Variants in AUTS2 observed in about 807,000 individuals in gnomAD.
AUTS2 encodes autism susceptibility gene 2 protein.
In AUTS2, 17 loss-of-function variants were observed where a neutral mutation model predicts 112.4. The observed-to-expected ratio is 0.15, with a 90% CI of 0.10 to 0.23. The LOEUF (loss-of-function observed/expected upper bound fraction) is 0.23. Among genes scored for constraint, AUTS2 ranks in the 10% least tolerant of loss-of-function variants. AUTS2 has a pLI of 1.00. For missense variants in AUTS2, 1,510 were observed against 1,701.6 expected, an observed-to-expected ratio of 0.89 and a Z score of 1.98; for synonymous variants, 751 against 702.7, an observed-to-expected ratio of 1.07 and a Z score of -1.09.
At chr7:70,132,816 A>G (rs1481820256) in intron 3 of AUTS2, among the ~76,000 whole-genome samples, 1 of 152,172 alleles carries the variant, frequency 6.6e-6, no homozygotes, top group Non-Finnish European at 1.5e-5. Flanking sequence ...CTGGGATAAA[A>G]TACATTTGCA....
intron 4 of AUTS2, among the ~76,000 whole-genome samples, chr7:70,422,097 A>T (rs972531843): frequency 6.6e-6 from 1 of 152,122 alleles, no homozygotes; most frequent in Non-Finnish European, 1.5e-5. Context: ...TAAAGGGAAG[A>T]AAAAAAAGGA....
At chr7:70,352,239 C>T (rs1314748019) in intron 4 of AUTS2, among the ~76,000 whole-genome samples, 1 of 152,148 alleles carries the variant, frequency 6.6e-6, no homozygotes, top group Non-Finnish European at 1.5e-5. Context: ...ACTGTTCTGC[C>T]AACTCTTTGG....
chr7:69,837,797 CTTA>C (rs978202539), intron 1 of AUTS2, among the ~76,000 whole-genome samples: 3 of 152,200 alleles, frequency 2.0e-5, no homozygotes, highest in Non-Finnish European at 2.9e-5. Flanking sequence ...CACTGAGCCT[CTTA>C]TTAATAATAC....
intron 4 of AUTS2, among the ~76,000 whole-genome samples, chr7:70,137,596 G>A (rs868464758): frequency 4.0e-4 from 61 of 152,034 alleles, no homozygotes; most frequent in Middle Eastern, 3.4e-3. Context: ...GAACTTAGAG[G>A]CAGAATGATC....
chr7:69,706,284 G>C (rs547140212), intron 1 of AUTS2, among the ~76,000 whole-genome samples: 1 of 152,210 alleles, frequency 6.6e-6, no homozygotes, highest in African/African-American at 2.4e-5. Flanking sequence ...TATTGTCCTG[G>C]AACATTCTGT....
At chr7:70,099,906 C>G (rs1269214724) in intron 2 of AUTS2, among the ~76,000 whole-genome samples, 3 of 152,020 alleles carry the variant, frequency 2.0e-5, no homozygotes, top group African/African-American at 7.3e-5. Flanking sequence ...ACATATATAT[C>G]CATACCTCTG....
At chr7:70,549,581 C>T (rs987324295) in intron 5 of AUTS2, among the ~76,000 whole-genome samples, 16 of 152,226 alleles carry the variant, frequency 1.1e-4, no homozygotes, top group African/African-American at 3.9e-4. Context: ...AATCCCAAAG[C>T]TTTGGGGCAC....
chr7:69,718,967 TC>T lies in AUTS2; in HGVS notation c.309+119006del, dbSNP rs546415122. ...ACTTAGTTTTGTACAATCCCAGTGT[TC>T]AAGGAAGCTAGAGATCCTCTTAGCC... On this transcript the variant is annotated intron_variant, in intron 1 of 18. Transcript: ENST00000342771. 2.0e-3 allele frequency among the ~76,000 whole-genome samples: 297 copies of T among 152,304 alleles called. 1 individual carries two copies. The highest frequency in any genetic ancestry group is 6.7e-3 in the African/African-American group (279 of 41,574).
intron 4 of AUTS2, among the ~76,000 whole-genome samples, chr7:70,341,961 C>T (rs144463588): frequency 2.1e-4 from 32 of 152,274 alleles, no homozygotes; most frequent in African/African-American, 7.0e-4. Context: ...GACTTGGGCC[C>T]GGGACAGCTA....
chr7:70,502,944 C>T (rs1368239505), intron 5 of AUTS2, among the ~76,000 whole-genome samples: 1 of 151,000 alleles, frequency 6.6e-6, no homozygotes, highest in Admixed American at 6.6e-5. Flanking sequence ...TCCTCCCACA[C>T]ATCACAAAAC....
chr7:70,294,796 AGCATAGT>A (rs1387142771), intron 4 of AUTS2, among the ~76,000 whole-genome samples: 1 of 152,168 alleles, frequency 6.6e-6, no homozygotes, highest in Non-Finnish European at 1.5e-5. Flanking sequence ...GGGCATGGTG[AGCATAGT>A]GCTGCTTCCC....
intron 3 of AUTS2, among the ~76,000 whole-genome samples, chr7:70,125,242 G>A (rs1454875220): frequency 7.3e-6 from 1 of 136,600 alleles, no homozygotes; most frequent in African/African-American, 2.8e-5. Context: ...TTGTTATTTG[G>A]AGATGTGTGT....
intron 6 of AUTS2, among the ~76,000 whole-genome samples, chr7:70,752,170 A>G (rs1236296957): frequency 1.3e-5 from 2 of 151,950 alleles, no homozygotes; most frequent in African/African-American, 4.8e-5. Context: ...GGGTAGCAGG[A>G]AGGCTGCACT....
intron 4 of AUTS2, among the ~76,000 whole-genome samples, chr7:70,287,140 T>G (rs1393854297): frequency 6.6e-6 from 1 of 152,220 alleles, no homozygotes; most frequent in African/African-American, 2.4e-5. Context: ...GTTCTTCTGG[T>G]TTTGCTCCTT....
chr7:69,631,014 G>T (rs938709005), intron 1 of AUTS2, among the ~76,000 whole-genome samples: 1 of 151,822 alleles, frequency 6.6e-6, no homozygotes, highest in Non-Finnish European at 1.5e-5. Flanking sequence ...TTACCTATAG[G>T]GCATTGGTCA....
intron 2 of AUTS2, among the ~76,000 whole-genome samples, chr7:70,033,446 G>A (rs1800868522): frequency 6.6e-6 from 1 of 152,182 alleles, no homozygotes; most frequent in South Asian, 2.1e-4. Flanking sequence ...CCATGCATTG[G>A]GAAGCAGTGT....
intron 4 of AUTS2, among the ~76,000 whole-genome samples, chr7:70,148,876 G>T (rs1056306161): frequency 2.6e-5 from 4 of 151,986 alleles, no homozygotes; most frequent in Admixed American, 6.6e-5. Context: ...GTAAAACAAA[G>T]CTAGTAAAGA....
intron 5 of AUTS2, among the ~76,000 whole-genome samples, chr7:70,532,483 C>T (rs1800137859): frequency 6.6e-6 from 1 of 152,090 alleles, no homozygotes; most frequent in Non-Finnish European, 1.5e-5. Context: ...CAAGGCCTAC[C>T]CAGAGCTTAG....
intron 1 of AUTS2, among the ~76,000 whole-genome samples, chr7:69,789,237 A>G (rs552075116): frequency 3.9e-5 from 6 of 152,274 alleles, no homozygotes; most frequent in Admixed American, 6.5e-5. Context: ...TCAAACTTCA[A>G]TGCACATCAG....
Sources: gnomAD v4.1 joint callset for allele counts (sites outside exome capture counted in the v4.1 genomes callset) on GRCh38, gnomAD v4.1.1 for gene constraint, MANE v1.5 for transcripts, NCBI Gene and HGNC (gene_info 2026-07-23, HGNC 2026-07-21) for gene names.